The following TRIM65 variants were observed in gnomAD, a reference collection of about 807,000 sequenced individuals.
The protein encoded by TRIM65 is E3 ubiquitin-protein ligase TRIM65.
A neutral mutation model predicts 36.1 loss-of-function variants in TRIM65; 46 were observed. The observed-to-expected ratio is 1.27, with a 90% CI of 1.01 to 1.63. TRIM65 has a LOEUF of 1.63. TRIM65 is among the 40% of genes most tolerant of loss of function. The probability of loss-of-function intolerance (pLI) is 0.00; values close to 1 mark genes in which losing one functional copy is unlikely to be tolerated. For synonymous variants in TRIM65, 346 were observed against 313.6 expected (o/e 1.10, Z -1.09); for missense variants, 708 against 696.6 (o/e 1.02, Z -0.18).
At chr17:75,879,719 G>A (rs75257286), downstream of TRIM65, among the ~76,000 whole-genome samples, 1 of 150,692 alleles carries the variant, frequency 6.6e-6, no homozygotes, top group Non-Finnish European at 1.5e-5. Context: ...GGGGAGAACA[G>A]ACATATTTCG....
chr17:75,885,995 G>A (rs922140323), downstream of TRIM65, among the ~76,000 whole-genome samples: 12 of 152,136 alleles, frequency 7.9e-5, no homozygotes, highest in Admixed American at 3.9e-4. Flanking sequence ...TGATCCCCAC[G>A]TGTCGTGGGA....
chr17:75,888,164 TATAA>T (rs61543613), downstream of TRIM65, among the ~76,000 whole-genome samples: 679 of 137,054 alleles, frequency 5.0e-3, 6 homozygotes, highest in Non-Finnish European at 6.7e-3. Context: ...TCAAAAAATA[TATAA>T]ATAAATAAAT....
rs529456765 is a variant in TRIM65 at position 75,890,582 on chromosome 17, C to T, written c.*197G>A. 32 of 512,980 alleles carry T rather than the reference C, an allele frequency of 6.2e-5. No individual in the cohort carries two copies. The highest frequency in any genetic ancestry group is 5.0e-4 in the Admixed American group (13 of 26,094). 31.8% of individuals were successfully genotyped at this position (512,980 alleles called of 1,614,324 possible). A position where few individuals can be genotyped will look rare whatever the true frequency, so the allele number is the denominator to read the frequency against. The stretch of plus-strand genomic sequence containing the variant: ...GGGGCAAGGGCATCCCATTTATCCC[C>T]CTCCTAGACTGTGTCCCCTTCAAAA... On this transcript the variant is annotated 3_prime_UTR_variant, in exon 6 of 6. Transcript: ENST00000269383.
intron 1 of TRIM65, 92 bp downstream of exon 1, chr17:75,896,432 C>G (rs1343790090): frequency 8.2e-7 from 1 of 1,223,570 alleles, no homozygotes; most frequent in African/African-American, 1.6e-5. Flanking sequence ...CGCCGGGTGC[C>G]CGAGAGAGCA....
At chr17:75,892,986 C>T (rs1371471379) in intron 1 of TRIM65, 136 bp from the exon 2 acceptor site, 3 of 732,646 alleles carry the variant, frequency 4.1e-6, no homozygotes, top group Non-Finnish European at 4.5e-6. Flanking sequence ...CTCCAGAGCA[C>T]CGGCCTCGGT....
At chr17:75,885,536 C>T (rs1279312671), downstream of TRIM65, among the ~76,000 whole-genome samples, 2 of 152,206 alleles carry the variant, frequency 1.3e-5, no homozygotes, top group African/African-American at 4.8e-5. Flanking sequence ...GGAGCCACCG[C>T]GCCCAGCCAG....
Position 75,896,608 on chromosome 17 carries a change from G to GC in TRIM65, c.329dup (p.Arg111ProfsTer133), listed in dbSNP as rs1351166275. The GC allele has an allele frequency of 7.9e-7, 1 of 1,265,612 alleles. No homozygotes were observed. The highest frequency in any genetic ancestry group is 9.9e-7 in the Non-Finnish European group (1 of 1,008,788). The allele number at this position is 1,265,612 out of a possible 1,614,324, so 78.4% of individuals were successfully genotyped here. Reference sequence around the variant, plus strand: ...CGGTGCACACGCTGCACACACAGCGGCCCTCGGTCCGGCAGAAGAGCTCCA... The same window carrying GC: ...CGGTGCACACGCTGCACACACAGCGGCCCCTCGGTCCGGCAGAAGAGCTCCA... On this transcript the variant is annotated frameshift_variant, in exon 1 of 6. Transcript: ENST00000269383. LOFTEE classifies it high-confidence loss of function.
chr17:75,879,749 TG>T (rs1258188422), downstream of TRIM65, among the ~76,000 whole-genome samples: 2 of 150,598 alleles, frequency 1.3e-5, no homozygotes, highest in Non-Finnish European at 1.5e-5. Context: ...TTCCAAATAA[TG>T]TTTTTTTATT....
chr17:75,879,720 A>C (rs1051973755), downstream of TRIM65, among the ~76,000 whole-genome samples: 4 of 150,766 alleles, frequency 2.7e-5, no homozygotes, highest in Non-Finnish European at 5.9e-5. Context: ...GGGAGAACAG[A>C]CATATTTCGC....
intron 1 of TRIM65, among the ~76,000 whole-genome samples, chr17:75,894,690 T>C (rs2144095381): frequency 6.6e-6 from 1 of 152,226 alleles, no homozygotes; most frequent in Non-Finnish European, 1.5e-5. Context: ...CCACCAGGCC[T>C]GGCTAATTTT....
chr17:75,892,624 TC>T, intron 2 of TRIM65, 124 bp from the exon 3 acceptor site: 1 of 1,222,486 alleles, frequency 8.2e-7, no homozygotes. Flanking sequence ...CCCGGGAACC[TC>T]CCCAGGACCC....
downstream of TRIM65, among the ~76,000 whole-genome samples, chr17:75,886,249 G>A (rs187069388): frequency 3.3e-5 from 5 of 152,168 alleles, no homozygotes; most frequent in Non-Finnish European, 7.4e-5. Flanking sequence ...CTGGCTAGGC[G>A]CGGTGGCTCA....
chr17:75,892,617 G>A (rs1373662215), intron 2 of TRIM65, 117 bp from the exon 3 acceptor site: 27 of 1,231,780 alleles, frequency 2.2e-5, no homozygotes, highest in South Asian at 5.6e-5. Context: ...GCAGGGTCCC[G>A]GGAACCTCCC....
chr17:75,885,680 C>A (rs1180886952), downstream of TRIM65, among the ~76,000 whole-genome samples: 1 of 152,196 alleles, frequency 6.6e-6, no homozygotes, highest in Non-Finnish European at 1.5e-5. Flanking sequence ...AAAAGTCTGC[C>A]CTCTGGGTGC....
In TRIM65 at chr17:75,891,261, G is replaced by A. The variant is rs779301143; in HGVS notation, c.1072C>T (p.Gln358Ter). ...RQDQQVKHCR[Q>*]SRGPGGPGSF... is the part of the protein sequence containing the mutation. The stretch of plus-strand genomic sequence containing the variant: ...CCGGGCCCGCCTGGGCCCCGGGACT[G>A]ACGACAGTGCTTCACCTGCTGGTCC... Residue 358 changes from glutamine (Q) to a stop codon, truncating the protein, a stop_gained, in exon 6 of 6, where the codon CAG (glutamine) becomes TAG (stop). Transcript: ENST00000269383. LOFTEE classifies it low-confidence loss of function (END_TRUNC). The A allele has an allele frequency of 2.4e-5, 38 of 1,612,894 alleles. No individual in the cohort carries two copies. The highest frequency in any genetic ancestry group is 3.2e-5 in the Non-Finnish European group (38 of 1,179,778).
At chr17:75,891,956 G>C in intron 4 of TRIM65, 55 bp downstream of exon 4, 1 of 1,559,612 alleles carries the variant, frequency 6.4e-7, no homozygotes, top group South Asian at 1.2e-5. Context: ...CACCCCCCCA[G>C]CGGGAGGGGC....
downstream of TRIM65, among the ~76,000 whole-genome samples, chr17:75,888,200 A>T (rs925558201): frequency 2.6e-4 from 38 of 144,994 alleles, 1 homozygote; most frequent in African/African-American, 9.6e-4. Flanking sequence ...TAAATAAATA[A>T]ATATTAGTCG....
intron 1 of TRIM65, among the ~76,000 whole-genome samples, chr17:75,893,116 C>T (rs557487447): frequency 6.6e-6 from 1 of 152,328 alleles, no homozygotes; most frequent in South Asian, 2.1e-4. Context: ...AACTTCCATT[C>T]CCATTTCTAC....
At chr17:75,891,969 C>G in intron 4 of TRIM65, 42 bp downstream of exon 4, 1 of 1,555,852 alleles carries the variant, frequency 6.4e-7, no homozygotes, top group Non-Finnish European at 8.7e-7. Flanking sequence ...GGAGGGGCAG[C>G]TGGACCCAGG....
Sources: gnomAD v4.1 joint callset for allele counts (sites outside exome capture counted in the v4.1 genomes callset) on GRCh38, gnomAD v4.1.1 for gene constraint, MANE v1.5 for transcripts, NCBI Gene and HGNC (gene_info 2026-07-23, HGNC 2026-07-21) for gene names.